The following ITGA11 variants were observed in gnomAD, a reference collection of about 807,000 sequenced individuals.
ITGA11 encodes integrin alpha-11.
Under a neutral mutation model 141.9 loss-of-function variants are expected in ITGA11, and 97 were observed. The ratio of observed to expected loss-of-function variants is 0.68; its 90% CI spans 0.58 to 0.81. The LOEUF (loss-of-function observed/expected upper bound fraction) is 0.81. Ranked by LOEUF, ITGA11 falls within the 30% of genes least tolerant of loss-of-function variation. The pLI is 0.00. For missense variants in ITGA11, 1,387 were observed against 1,559.2 expected, an observed-to-expected ratio of 0.89 and a Z score of 1.86; for synonymous variants, 658 against 624.6, an observed-to-expected ratio of 1.05 and a Z score of -0.80.
Position 68,335,487 on chromosome 15 carries a change from G to C in ITGA11, c.1425+210C>G, listed in dbSNP as rs577526766. On this transcript the variant is annotated intron_variant, in intron 12 of 29. Transcript: ENST00000315757. The surrounding 1 kb of genome is among the most constrained non-coding windows in gnomAD (Gnocchi z 4.9). ...CCTCATTGCTTCCATTCCAGGAAAAGGGAAGCAGCTGGCATCCTGGAGGGC... is the reference window on the plus strand; with the variant it reads ...CCTCATTGCTTCCATTCCAGGAAAACGGAAGCAGCTGGCATCCTGGAGGGC... Among the ~76,000 whole-genome samples the C allele has an allele frequency of 8.5e-5, 13 of 152,362 alleles. No individual in the cohort carries two copies. The highest frequency in any genetic ancestry group is 1.8e-4 in the Non-Finnish European group (12 of 68,034).
chr15:68,349,025 G>A (rs1004864663), intron 9 of ITGA11, 125 bp from the exon 10 acceptor site: 25 of 104 alleles, frequency 0.24, no homozygotes, highest in Admixed American at 0.5. Context: ...TCTCTTTCGA[G>A]GGGGGGCTCT....
chr15:68,338,962 G>A (rs1450175918), intron 11 of ITGA11, among the ~76,000 whole-genome samples: 1 of 152,210 alleles, frequency 6.6e-6, no homozygotes, highest in Non-Finnish European at 1.5e-5. Context: ...CTGCAGAGCT[G>A]GAAGGTGACT....
intron 22 of ITGA11, 64 bp downstream of exon 22, chr15:68,315,587 G>T: frequency 7.3e-7 from 1 of 1,366,046 alleles, no homozygotes; most frequent in African/African-American, 1.4e-5. Flanking sequence ...GCAGTTGCTA[G>T]CAGCCAGAGA....
chr15:68,313,998 C>A, intron 22 of ITGA11, 130 bp from the exon 23 acceptor site: 2 of 683,760 alleles, frequency 2.9e-6, no homozygotes, highest in Non-Finnish European at 5.1e-6. Flanking sequence ...ACAGGCCAGA[C>A]AGGGAACCTG....
At chr15:68,323,681 G>T (rs970702376) in intron 18 of ITGA11, among the ~76,000 whole-genome samples, 1 of 152,140 alleles carries the variant, frequency 6.6e-6, no homozygotes, top group Non-Finnish European at 1.5e-5. Flanking sequence ...TTTACCTGAA[G>T]CTGCATCCTG....
intron 10 of ITGA11, among the ~76,000 whole-genome samples, chr15:68,347,259 C>T (rs1404319401): frequency 6.6e-6 from 1 of 152,182 alleles, no homozygotes; most frequent in Non-Finnish European, 1.5e-5. Context: ...TCCTTGAGGG[C>T]AGGGCTCCCG....
chr15:68,371,333 C>T (rs939596684), intron 2 of ITGA11, among the ~76,000 whole-genome samples: 5 of 152,210 alleles, frequency 3.3e-5, no homozygotes, highest in South Asian at 2.1e-4. Flanking sequence ...CTGAGGGACA[C>T]GTTCCTCCCG....
chr15:68,405,712 G>A (rs1288066511), intron 1 of ITGA11, among the ~76,000 whole-genome samples: 2 of 148,922 alleles, frequency 1.3e-5, no homozygotes. Context: ...AGTGTCACAT[G>A]TGCAATGTCA....
At chr15:68,390,677 CA>C (rs1451001195) in intron 2 of ITGA11, among the ~76,000 whole-genome samples, 1 of 152,198 alleles carries the variant, frequency 6.6e-6, no homozygotes, top group Non-Finnish European at 1.5e-5. Context: ...ATCAAGTCAG[CA>C]GTGGCCTGCA....
At chr15:68,374,337 C>G (rs999958440) in intron 2 of ITGA11, among the ~76,000 whole-genome samples, 6 of 151,982 alleles carry the variant, frequency 3.9e-5, no homozygotes, top group African/African-American at 1.5e-4. Context: ...ACAGGGAACC[C>G]TGCATTCCAG....
intron 2 of ITGA11, among the ~76,000 whole-genome samples, chr15:68,388,245 C>G (rs1357471087): frequency 6.6e-6 from 1 of 152,184 alleles, no homozygotes. Context: ...TCCAGCCACA[C>G]TTGCTGTTCC....
intron 11 of ITGA11, among the ~76,000 whole-genome samples, chr15:68,339,196 C>T (rs889846365): frequency 3.3e-5 from 5 of 152,228 alleles, no homozygotes; most frequent in African/African-American, 9.6e-5. Context: ...CTTTAAGGCA[C>T]AACAACAGCT....
intron 2 of ITGA11, among the ~76,000 whole-genome samples, chr15:68,397,736 ATT>A (rs1896354100): frequency 1.9e-5 from 1 of 53,216 alleles, no homozygotes; most frequent in Admixed American, 2.0e-4. Context: ...TATTTAAAAT[ATT>A]ATATTTAAAA....
At chr15:68,431,918 A>AG in intron 1 of ITGA11, 97 bp downstream of exon 1, 1 of 827,028 alleles carries the variant, frequency 1.2e-6, no homozygotes, top group Non-Finnish European at 1.7e-6. Flanking sequence ...TGACCCTGGG[A>AG]GGAGGGTCGC....
intron 2 of ITGA11, among the ~76,000 whole-genome samples, chr15:68,390,336 G>A (rs374602091): frequency 7.2e-5 from 11 of 152,246 alleles, no homozygotes; most frequent in Admixed American, 2.0e-4. Context: ...GCTGGTAAAC[G>A]GGGCATATCT....
chr15:68,425,257 C>T (rs1392450429), intron 1 of ITGA11, among the ~76,000 whole-genome samples: 1 of 152,230 alleles, frequency 6.6e-6, no homozygotes, highest in African/African-American at 2.4e-5. Flanking sequence ...CTGAGGGCCT[C>T]ATGTTCAGAA....
In ITGA11 at chr15:68,401,546, T is replaced by C. The variant is rs565591214; in HGVS notation, c.164+1372A>G. Among the ~76,000 whole-genome samples the C allele has an allele frequency of 4.6e-5, 7 of 152,332 alleles. No individual in the cohort carries two copies. The South Asian group carries it at 1.5e-3, about 32-fold the overall frequency. On this transcript the variant is annotated intron_variant, in intron 2 of 29. Coordinates refer to ENST00000315757, the MANE Select transcript of ITGA11 (RefSeq NM_001004439.2). ...CATCAATGGAAGCATGAAGTATGGT[T>C]CACTTAACAACAGGTTAAACCTCAC...
chr15:68,333,651 C>T lies in ITGA11; in HGVS notation c.1426-1173G>A, dbSNP rs1175308611. Among the ~76,000 whole-genome samples the T allele has an allele frequency of 1.3e-5, 2 of 152,196 alleles. No individual in the cohort carries two copies. Among genetic ancestry groups the T allele is most frequent in the Non-Finnish European group, 2.9e-5 (2 of 68,032 alleles). ...CACCAACTGCTCCCCCCTGCTTCGT[C>T]CCTAGGTGAGGCGCCTTCTAAAGGG... On this transcript the variant is annotated intron_variant, in intron 12 of 29. Coordinates refer to ENST00000315757, the MANE Select transcript of ITGA11 (RefSeq NM_001004439.2). The surrounding 1 kb of genome is among the most constrained non-coding windows in gnomAD (Gnocchi z 4.2).
intron 4 of ITGA11, among the ~76,000 whole-genome samples, chr15:68,363,512 G>T (rs2140352095): frequency 6.6e-6 from 1 of 152,216 alleles, no homozygotes; most frequent in African/African-American, 2.4e-5. Context: ...AAGTCCCCTT[G>T]CATCCCAGTC....
Sources: allele counts gnomAD v4.1 joint callset (sites outside exome capture counted in the v4.1 genomes callset), GRCh38; gene constraint gnomAD v4.1.1; non-coding constraint Gnocchi (gnomAD v3.1); transcripts MANE v1.5; gene names NCBI Gene and HGNC (gene_info 2026-07-23, HGNC 2026-07-21).